Variants in KLRG1 observed in about 807,000 individuals in gnomAD.
KLRG1 encodes killer cell lectin-like receptor subfamily G member 1.
KLRG1 carries 16 observed loss-of-function variants against 21.8 expected under a neutral mutation model. That is an observed-to-expected ratio of 0.73 (90% confidence interval 0.50 to 1.11). The LOEUF (loss-of-function observed/expected upper bound fraction) is 1.11. KLRG1 is among the 50% of genes most tolerant of loss of function. The probability of loss-of-function intolerance (pLI) is 0.00; values close to 1 mark genes in which losing one functional copy is unlikely to be tolerated. For missense variants in KLRG1, 173 were observed against 218.3 expected (o/e 0.79, Z 1.31); for synonymous variants, 69 against 75.9 (o/e 0.91, Z 0.47).
chr12:8,995,315 G>C (rs1216125581), intron 3 of KLRG1, 27 bp downstream of exon 3: 1 of 1,581,858 alleles, frequency 6.3e-7, no homozygotes, highest in Non-Finnish European at 8.6e-7. Flanking sequence ...AGAAAATGTA[G>C]GGTTTTTGTT....
chr12:8,974,381 A>T (rs899569116), intron 1 of KLRG1, among the ~76,000 whole-genome samples: 4 of 151,900 alleles, frequency 2.6e-5, no homozygotes, highest in African/African-American at 9.7e-5. Context: ...GTTAGCCAGG[A>T]TGGTCTCGAT....
At chr12:8,972,365 G>A (rs1486722581) in intron 1 of KLRG1, among the ~76,000 whole-genome samples, 1 of 152,184 alleles carries the variant, frequency 6.6e-6, no homozygotes, top group East Asian at 1.9e-4. Flanking sequence ...CACCGTGTTA[G>A]CCAGGATGGT....
At chr12:9,080,265 G>T in the KLRG1 span, 2 of 787,548 alleles carry the variant, frequency 2.5e-6, no homozygotes, top group Non-Finnish European at 4.1e-6. Flanking sequence ...CTAGGACTAT[G>T]CCTTATACCT....
the KLRG1 span, among the ~76,000 whole-genome samples, chr12:9,127,561 C>G: frequency 1.3e-5 from 2 of 152,212 alleles, no homozygotes; most frequent in African/African-American, 4.8e-5. Flanking sequence ...CCACTTAGTC[C>G]TTTGGGGGCT....
the KLRG1 span, among the ~76,000 whole-genome samples, chr12:9,158,781 A>T: frequency 9.0e-6 from 1 of 111,646 alleles, no homozygotes; most frequent in African/African-American, 3.2e-5. Flanking sequence ...TTTTGCTGCC[A>T]CATGTTGTTC....
At chr12:9,039,383 T>C in the KLRG1 span, among the ~76,000 whole-genome samples, 1 of 152,248 alleles carries the variant, frequency 6.6e-6, no homozygotes, top group Non-Finnish European at 1.5e-5. Flanking sequence ...TATTTTTCTC[T>C]AATAATTTGT....
the KLRG1 span, among the ~76,000 whole-genome samples, chr12:9,102,373 C>T: frequency 6.6e-6 from 1 of 152,072 alleles, no homozygotes; most frequent in Non-Finnish European, 1.5e-5. Context: ...TGCCACCCCA[C>T]CCAGCTAATT....
chr12:9,163,681 G>T, the KLRG1 span: 4 of 1,613,760 alleles, frequency 2.5e-6, no homozygotes, highest in East Asian at 2.2e-5. Context: ...CACCAACAGG[G>T]TTTTGATGAC....
At chr12:9,082,172 G>A in the KLRG1 span, among the ~76,000 whole-genome samples, 1 of 152,168 alleles carries the variant, frequency 6.6e-6, no homozygotes, top group African/African-American at 2.4e-5. Context: ...CATTCACAAG[G>A]GTGGGGTAGC....
the KLRG1 span, among the ~76,000 whole-genome samples, chr12:9,163,951 G>A: frequency 6.6e-6 from 1 of 152,200 alleles, no homozygotes; most frequent in Non-Finnish European, 1.5e-5. Context: ...CCAAGATAGT[G>A]ATTCTGGGGA....
the KLRG1 span, chr12:9,027,441 G>T: frequency 1.6e-6 from 1 of 636,056 alleles, no homozygotes; most frequent in Non-Finnish European, 2.8e-6. Flanking sequence ...TGCCACCACT[G>T]TGCTTGGCTG....
At chr12:9,200,325 G>T in the KLRG1 span, 2 of 1,456,278 alleles carry the variant, frequency 1.4e-6, no homozygotes, top group Non-Finnish European at 1.9e-6. Context: ...CAAAATTGAG[G>T]CAAAATATAA....
chr12:9,017,675 C>G, the KLRG1 span, among the ~76,000 whole-genome samples: 1 of 152,026 alleles, frequency 6.6e-6, no homozygotes, highest in Non-Finnish European at 1.5e-5. Context: ...ATGGGGAAAA[C>G]CTGAAATTGT....
chr12:9,175,211 A>G, the KLRG1 span, among the ~76,000 whole-genome samples: 1 of 152,228 alleles, frequency 6.6e-6, no homozygotes, highest in East Asian at 1.9e-4. Context: ...GCAATGGAGG[A>G]AAGGCCTCCC....
At chr12:9,102,733 G>A in the KLRG1 span, among the ~76,000 whole-genome samples, 1 of 152,104 alleles carries the variant, frequency 6.6e-6, no homozygotes, top group Non-Finnish European at 1.5e-5. Context: ...ACACATATAT[G>A]ATCACCCCAA....
the KLRG1 span, chr12:9,115,373 G>A: frequency 1.2e-4 from 20 of 172,750 alleles, no homozygotes; most frequent in East Asian, 1.1e-3. Flanking sequence ...ATACTCCAGG[G>A]CATTGTTCCA....
chr12:9,181,308 T>A, the KLRG1 span, among the ~76,000 whole-genome samples: 1 of 152,338 alleles, frequency 6.6e-6, no homozygotes, highest in Admixed American at 6.5e-5. Context: ...AATTTGTAAA[T>A]CACTTATTAC....
the KLRG1 span, chr12:9,079,491 A>T: frequency 9.7e-7 from 1 of 1,028,374 alleles, no homozygotes; most frequent in Non-Finnish European, 1.4e-6. Flanking sequence ...GAGGTTGGAG[A>T]GTGGATAGTT....
rs562204116 is a variant in KLRG1, at chr12:8,957,507, TTTTG to T, written c.-156+7287_-156+7290del. Among the ~76,000 whole-genome samples, 1,066 of 152,256 alleles carry T rather than the reference TTTTG, an allele frequency of 7.0e-3. 10 individuals are homozygous for T. The highest frequency in any genetic ancestry group is 0.02 in the Middle Eastern group (6 of 294). On this transcript the variant is annotated intron_variant, in intron 1 of 4. Coordinates refer to the KLRG1 transcript ENST00000539240. ...GCAACCTCGGAATACTTGTTTTGTTTTTTGTTTGTTTGTTTGTTTTGTTTTGTTT... is the reference window on the plus strand; with the variant it reads ...GCAACCTCGGAATACTTGTTTTGTTTTTTGTTTGTTTGTTTTGTTTTGTTT...
Sources: gnomAD v4.1 joint callset for allele counts (sites outside exome capture counted in the v4.1 genomes callset) on GRCh38, gnomAD v4.1.1 for gene constraint, MANE v1.5 for transcripts, NCBI Gene and HGNC (gene_info 2026-07-23, HGNC 2026-07-21) for gene names.